The following ZNF681 variants were observed in gnomAD, a reference collection of about 807,000 sequenced individuals.
The protein encoded by ZNF681 is hypothetical protein FLJ31526.
In ZNF681, 37 loss-of-function variants were observed where a neutral mutation model predicts 56.0. The observed-to-expected ratio is 0.66, with a 90% CI of 0.51 to 0.87. The LOEUF (loss-of-function observed/expected upper bound fraction) is 0.87, where lower values mean the gene tolerates loss of function less well. ZNF681 is among the 40% of genes least tolerant of loss of function. ZNF681 has a pLI of 0.00. For synonymous variants in ZNF681, 225 were observed against 248.6 expected (o/e 0.91, Z 0.89); for missense variants, 741 against 744.9 (o/e 0.99, Z 0.06).
Position 23,751,408 on chromosome 19 carries a change from G to GAAGGTTGCAGTGAGCC in ZNF681, c.226+3414_226+3415insGGCTCACTGCAACCTT, listed in dbSNP as rs549961181. Among the ~76,000 whole-genome samples, 400 of 145,756 alleles carry GAAGGTTGCAGTGAGCC rather than the reference G, an allele frequency of 2.7e-3. 3 individuals carry two copies. Among genetic ancestry groups the GAAGGTTGCAGTGAGCC allele is most frequent in the Middle Eastern group, 0.011 (3 of 262 alleles). ...GCAGAATTGCTTGAACTCTGGAGGC[G>GAAGGTTGCAGTGAGCC]GAGGTTGCAGTGAGCCGAGATTGCG... On this transcript the variant is annotated intron_variant, in intron 3 of 3. Transcript: ENST00000402377.
At chr19:23,756,325 C>CCG (rs1555714102) in intron 1 of ZNF681, among the ~76,000 whole-genome samples, 3 of 149,752 alleles carry the variant, frequency 2.0e-5, no homozygotes, top group African/African-American at 7.4e-5. Context: ...ACTCTGTCCC[C>CCG]CCCCAAAAAA....
chr19:23,754,975 T>C lies in ZNF681; in HGVS notation c.131-57A>G, dbSNP rs1338248065. 1.1e-5 allele frequency: 15 copies of C among 1,363,938 alleles called. No individual in the cohort carries two copies. The African/African-American group carries it at 2.0e-4, about 18-fold the overall frequency. The allele number at this position is 1,363,938 out of a possible 1,614,324, so 84.5% of individuals were successfully genotyped here. A position where few individuals can be genotyped will look rare whatever the true frequency, so the allele number is the denominator to read the frequency against. ...TGCTTATATTGTCTAATCACCAACA[T>C]GGCAATGTAGTCAGTAAAGAGGGTG... On this transcript the variant is annotated intron_variant, in intron 2 of 3. Transcript: ENST00000402377.
rs1568309442 is a variant in ZNF681 at position 23,744,309 on chromosome 19, C to G, written c.1241G>C (p.Ser414Thr). The part of the protein sequence containing the change: ...NKSSHLTRHK[S>T]IHTGEKPYQC... ...GTAGGGTTTTTCTCCAGTATGAATG[C>G]TCTTATGTCTAGTAAGGTGTGAGGA... Residue 414 changes from serine to threonine, a missense_variant, in exon 4 of 4, where the codon AGC becomes ACC. Physicochemically the swap from Ser to Thr is moderately conservative, Grantham distance 58 (BLOSUM62 1). Coordinates refer to ENST00000402377, the MANE Select transcript of ZNF681 (RefSeq NM_138286.3). 3 of 1,612,760 alleles carry G rather than the reference C, an allele frequency of 1.9e-6. No homozygotes were observed. The Admixed American group carries it at 5.0e-5, about 27-fold the overall frequency.
At chr19:23,755,170 G>A (rs1324190341) in intron 2 of ZNF681, among the ~76,000 whole-genome samples, 2 of 152,084 alleles carry the variant, frequency 1.3e-5, no homozygotes, top group African/African-American at 4.8e-5. Context: ...AATATTTTAT[G>A]CCACTAAACT....
chr19:23,752,567 A>G (rs1443290888), intron 3 of ZNF681, among the ~76,000 whole-genome samples: 6 of 8,400 alleles, frequency 7.1e-4, no homozygotes, highest in African/African-American at 9.6e-4. Context: ...CCTACAGGTC[A>G]AAGTCTTGAG....
chr19:23,751,965 G>GCGTGAGCCACTGCGCC (rs1166247784), intron 3 of ZNF681, among the ~76,000 whole-genome samples: 1 of 152,178 alleles, frequency 6.6e-6, no homozygotes, highest in African/African-American at 2.4e-5. Flanking sequence ...GGGATTACAG[G>GCGTGAGCCACTGCGCC]CGTGAGCCAC....
chr19:23,756,097 G>T lies in ZNF681; in HGVS notation c.4-546C>A, dbSNP rs565572816. Among the ~76,000 whole-genome samples, 18 of 152,084 alleles carry T rather than the reference G, an allele frequency of 1.2e-4. No individual in the cohort carries two copies. In the South Asian group the frequency reaches 3.7e-3, roughly 32 times the overall value. On this transcript the variant is annotated intron_variant, in intron 1 of 3. Coordinates refer to ENST00000402377, the MANE Select transcript of ZNF681 (RefSeq NM_138286.3). ...TCCCAGCACTTTGGGAGGCTGAGGC[G>T]GGTGGATCATGAGGTCAGGAGATCG...
At chr19:23,745,446 CT>C in intron 3 of ZNF681, 123 bp from the exon 4 acceptor site, 2 of 741,356 alleles carry the variant, frequency 2.7e-6, no homozygotes, top group Non-Finnish European at 3.8e-6. Flanking sequence ...ACCAAAGGCC[CT>C]AATTTTTTTT....
At position 23,755,404 on chromosome 19, in the gene ZNF681, G is replaced by A. The variant is rs190344377; in HGVS notation, c.130+21C>T. ...AAACCTTTAGGGTATAATAGGAATT[G>A]TATATTGAAGTTATCCTCACCCAAG... is the stretch of plus-strand genomic sequence containing the variant. On this transcript the variant is annotated intron_variant, in intron 2 of 3. Transcript: ENST00000402377. The A allele has an allele frequency of 1.6e-5, 25 of 1,599,834 alleles. No homozygotes were observed. The Admixed American group carries it at 2.1e-4, about 14-fold the overall frequency.
rs1293532256 is a variant in ZNF681 at position 23,742,092 on chromosome 19, A to G, written c.*1520T>C. On this transcript the variant is annotated 3_prime_UTR_variant, in exon 4 of 4. Coordinates refer to ENST00000402377, the MANE Select transcript of ZNF681 (RefSeq NM_138286.3). ...GATAAGTTAAATTTAATGGCATAAT[A>G]ATGCTTCATTGAATGCACGATGGTC... 2.0e-5 allele frequency: 3 copies of G among 152,192 alleles called. No individual in the cohort carries two copies. In the East Asian group the frequency reaches 5.8e-4, roughly 29 times the overall value. The allele number at this position is 152,192 out of a possible 1,614,324, so 9.4% of individuals were successfully genotyped here. A position where few individuals can be genotyped will look rare whatever the true frequency, so the allele number is the denominator to read the frequency against.
Position 23,745,279 on chromosome 19 carries a change from T to C in ZNF681, c.271A>G (p.Ile91Val), listed in dbSNP as rs768502901. The change falls in exon 4 of 4, where the codon ATA becomes GTA. Residue 91 changes from isoleucine (I) to valine (V), a missense_variant. Physicochemically the swap from Ile to Val is conservative, Grantham distance 29 (BLOSUM62 3). Coordinates refer to ENST00000402377, the MANE Select transcript of ZNF681 (RefSeq NM_138286.3). ...FAQDFSPEQN[I>V]KDSFQKVTPR... ...GTCACTTTTTGGAAAGAATCTTTTA[T>C]GTTCTGCTCTGGTGAAAAGTCTTGG... is the stretch of plus-strand genomic sequence containing the variant. 5.7e-6 allele frequency: 9 copies of C among 1,590,300 alleles called. No homozygotes were observed. Among genetic ancestry groups the C allele is most frequent in the African/African-American group, 2.7e-5 (2 of 73,428 alleles).
rs1172265809 is a variant in ZNF681, at chr19:23,745,052, T to C, written c.498A>G (p.Arg166=). ...NLNGHKVRHT[R]KKPFKYKEFG... ...ATTCTTTATATTTAAAAGGTTTTTT[T>C]CTGGTGTGTCTTACCTTATGTCCAT... Residue 166 remains arginine, a synonymous_variant, in exon 4 of 4, where the codon AGA becomes AGG. Transcript: ENST00000402377. 2 of 1,595,150 alleles carry C rather than the reference T, an allele frequency of 1.3e-6. No individual in the cohort carries two copies. Among genetic ancestry groups the C allele is most frequent in the African/African-American group, 1.3e-5 (1 of 74,324 alleles).
At chr19:23,756,325 C>CT (rs1028415971) in intron 1 of ZNF681, among the ~76,000 whole-genome samples, 4 of 149,752 alleles carry the variant, frequency 2.7e-5, no homozygotes, top group Admixed American at 6.7e-5. Flanking sequence ...ACTCTGTCCC[C>CT]CCCCAAAAAA....
At position 23,742,040 on chromosome 19, in the gene ZNF681, A is replaced by G. The variant is rs1418206022; in HGVS notation, c.*1572T>C. ...TATTAAATAGTGTATAGTTACCATC[A>G]TTTACCTATACCCTTGAGTAAGATG... is the stretch of plus-strand genomic sequence containing the variant. On this transcript the variant is annotated 3_prime_UTR_variant, in exon 4 of 4. Transcript: ENST00000402377. 1 of 152,160 alleles carries G rather than the reference A, an allele frequency of 6.6e-6. No individual in the cohort carries two copies. Among genetic ancestry groups the G allele is most frequent in the Non-Finnish European group, 1.5e-5 (1 of 68,024 alleles). 9.4% of individuals were successfully genotyped at this position (152,160 alleles called of 1,614,324 possible). A position where few individuals can be genotyped will look rare whatever the true frequency, so the allele number is the denominator to read the frequency against.
At chr19:23,746,088 G>A (rs998235057) in intron 3 of ZNF681, among the ~76,000 whole-genome samples, 8 of 152,122 alleles carry the variant, frequency 5.3e-5, no homozygotes, top group Non-Finnish European at 1.2e-4. Context: ...GCCAAGGCAG[G>A]CAAATCAACT....
chr19:23,739,653 A>G lies in ZNF681; in HGVS notation c.*3959T>C, dbSNP rs1257214546. The G allele has an allele frequency of 4.6e-5, 7 of 152,208 alleles. No individual in the cohort carries two copies. Among genetic ancestry groups the G allele is most frequent in the Non-Finnish European group, 8.8e-5 (6 of 68,028 alleles). The allele number at this position is 152,208 out of a possible 1,614,324, so 9.4% of individuals were successfully genotyped here. ...AAGGGCAGCTGTTTCTTATGGTCTC[A>G]TGACTGGCCACTCTGTGAACACAGT... On this transcript the variant is annotated 3_prime_UTR_variant, in exon 4 of 4. Transcript: ENST00000402377.
intron 1 of ZNF681, 41 bp from the exon 2 acceptor site, chr19:23,755,592 C>CACACAT: frequency 7.7e-7 from 1 of 1,296,512 alleles, no homozygotes; most frequent in South Asian, 1.6e-5. Flanking sequence ...CACACACACA[C>CACACAT]ACACACATAC....
At position 23,739,784 on chromosome 19, in the gene ZNF681, T is replaced by C. The variant is rs1363215024; in HGVS notation, c.*3828A>G. ...GACCAAGAAGTTGGCTAGAGTTAGG[T>C]GACTAAATGTAAAAACTGTAGACTG... On this transcript the variant is annotated 3_prime_UTR_variant, in exon 4 of 4. Coordinates refer to ENST00000402377, the MANE Select transcript of ZNF681 (RefSeq NM_138286.3). The C allele has an allele frequency of 6.6e-6, 1 of 152,162 alleles. No homozygotes were observed. Among genetic ancestry groups the C allele is most frequent in the East Asian group, 1.9e-4 (1 of 5,174 alleles). The allele number at this position is 152,162 out of a possible 1,614,324, so 9.4% of individuals were successfully genotyped here. A position where few individuals can be genotyped will look rare whatever the true frequency, so the allele number is the denominator to read the frequency against.
Position 23,744,088 on chromosome 19 carries a change from TAA to T in ZNF681, c.1460_1461del (p.Phe487Ter). On this transcript the variant is annotated frameshift_variant, in exon 4 of 4. Transcript: ENST00000402377. LOFTEE classifies it high-confidence loss of function. ...TGTGTAGTAAGGATTGAGGACTGGTTAAAAGCTTTGCCACATTCTTCACATTT... is the reference window on the plus strand; with the variant it reads ...TGTGTAGTAAGGATTGAGGACTGGTTAAGCTTTGCCACATTCTTCACATTT... ...PYKCEECGKA[F>X]NQSSILTTHK... 1 of 1,603,420 alleles carries T rather than the reference TAA, an allele frequency of 6.2e-7. No individual in the cohort carries two copies. The highest frequency in any genetic ancestry group is 8.5e-7 in the Non-Finnish European group (1 of 1,173,302).
Sources: allele counts gnomAD v4.1 joint callset (sites outside exome capture counted in the v4.1 genomes callset), GRCh38; gene constraint gnomAD v4.1.1; transcripts MANE v1.5; gene names NCBI Gene and HGNC (gene_info 2026-07-23, HGNC 2026-07-21).